The following SGCZ variants were observed in gnomAD, a reference collection of about 807,000 sequenced individuals.
SGCZ encodes zeta-sarcoglycan.
SGCZ carries 40 observed loss-of-function variants against 41.3 expected under a neutral mutation model. The observed-to-expected ratio is 0.97, with a 90% CI of 0.75 to 1.26. SGCZ has a LOEUF of 1.26. SGCZ is among the 50% of genes most tolerant of loss of function. The pLI, the probability that SGCZ is intolerant of heterozygous loss-of-function variation, is 0.00. For synonymous variants in SGCZ, 206 were observed against 137.5 expected, an observed-to-expected ratio of 1.50 and a Z score of -3.49; for missense variants, 552 against 369.8, an observed-to-expected ratio of 1.49 and a Z score of -4.04.
intron 1 of SGCZ, among the ~76,000 whole-genome samples, chr8:14,891,619 T>G (rs1805021637): frequency 6.6e-6 from 1 of 152,168 alleles, no homozygotes; most frequent in Non-Finnish European, 1.5e-5. Context: ...TTCCACAAAC[T>G]TAGCTGATAA....
chr8:14,249,321 A>G (rs1799207230), intron 3 of SGCZ, among the ~76,000 whole-genome samples: 1 of 152,174 alleles, frequency 6.6e-6, no homozygotes, highest in Admixed American at 6.5e-5. Context: ...TTGGTTTAGC[A>G]TGATATCACA....
chr8:14,578,470 A>C (rs1414567430), intron 1 of SGCZ, among the ~76,000 whole-genome samples: 1 of 152,216 alleles, frequency 6.6e-6, no homozygotes, highest in Non-Finnish European at 1.5e-5. Flanking sequence ...TTCTGTGACC[A>C]CATGACTAAA....
At chr8:14,410,121 G>T (rs915933660) in intron 2 of SGCZ, among the ~76,000 whole-genome samples, 3 of 152,200 alleles carry the variant, frequency 2.0e-5, no homozygotes, top group African/African-American at 4.8e-5. Context: ...AACTCATTGT[G>T]AACTGCGCAT....
rs1808008149 is a variant in SGCZ at position 14,668,979 on chromosome 8, CAT to C, written c.40-114055_40-114054del. On this transcript the variant is annotated intron_variant, in intron 1 of 7. Transcript: ENST00000382080. ...GGTGAGAACATGTAAGTTCTACTCTCATAGAAAATTTCAAGTATACAATAAAA... is the reference window on the plus strand; with the variant it reads ...GGTGAGAACATGTAAGTTCTACTCTCAGAAAATTTCAAGTATACAATAAAA... Among the ~76,000 whole-genome samples the C allele has an allele frequency of 5.3e-5, 8 of 151,838 alleles. 1 individual carries two copies. The Middle Eastern group carries it at 0.014, about 258-fold the overall frequency.
At chr8:14,790,446 T>C (rs1385146663) in intron 1 of SGCZ, among the ~76,000 whole-genome samples, 1 of 152,152 alleles carries the variant, frequency 6.6e-6, no homozygotes, top group African/African-American at 2.4e-5. Flanking sequence ...TTTGGCAATA[T>C]GTATCAAACG....
intron 1 of SGCZ, among the ~76,000 whole-genome samples, chr8:14,955,530 C>T (rs1253926821): frequency 6.6e-6 from 1 of 152,178 alleles, no homozygotes; most frequent in East Asian, 1.9e-4. Flanking sequence ...AAACATATGA[C>T]ACTCATGCTG....
At chr8:14,542,851 C>A (rs2117155700) in intron 2 of SGCZ, among the ~76,000 whole-genome samples, 1 of 152,030 alleles carries the variant, frequency 6.6e-6, no homozygotes, top group South Asian at 2.1e-4. Flanking sequence ...GCTAAGGGTG[C>A]TATTTACGTT....
rs531502200 is a variant in SGCZ at position 15,064,327 on chromosome 8, T to A, written c.39+173258A>T. Reference sequence around the variant, plus strand: ...TATCACTATGAATGACATCATCATTTTTTGTCACTCAACCCTACAATTTAT... The same window carrying A: ...TATCACTATGAATGACATCATCATTATTTGTCACTCAACCCTACAATTTAT... On this transcript the variant is annotated intron_variant, in intron 1 of 7. Transcript: ENST00000382080. Among the ~76,000 whole-genome samples the A allele has an allele frequency of 2.8e-4, 42 of 152,246 alleles. 1 individual carries two copies. In the South Asian group the frequency reaches 4.6e-3, roughly 17 times the overall value.
At chr8:14,585,213 G>A (rs887652734) in intron 1 of SGCZ, among the ~76,000 whole-genome samples, 1 of 152,086 alleles carries the variant, frequency 6.6e-6, no homozygotes, top group Non-Finnish European at 1.5e-5. Context: ...TTTTCAAGAA[G>A]CATTCTTCTG....
chr8:14,965,248 G>A (rs7827121), intron 1 of SGCZ, among the ~76,000 whole-genome samples: 23,173 of 151,956 alleles, frequency 0.15, 3,617 homozygotes, highest in African/African-American at 0.4. Flanking sequence ...CTCCTCAATA[G>A]TGCCACCCAA....
intron 1 of SGCZ, among the ~76,000 whole-genome samples, chr8:15,232,624 T>C (rs1324291573): frequency 6.7e-6 from 1 of 150,322 alleles, no homozygotes; most frequent in African/African-American, 2.4e-5. Context: ...TTCAAGATTA[T>C]ATATATATGG....
intron 1 of SGCZ, among the ~76,000 whole-genome samples, chr8:14,745,684 C>T (rs886223757): frequency 1.3e-5 from 2 of 151,884 alleles, no homozygotes; most frequent in African/African-American, 2.4e-5. Flanking sequence ...TATCTATATA[C>T]ATACATGCCA....
intron 1 of SGCZ, among the ~76,000 whole-genome samples, chr8:14,779,246 A>G (rs1670502921): frequency 6.6e-6 from 1 of 152,228 alleles, no homozygotes; most frequent in South Asian, 2.1e-4. Context: ...GAAATTAAAA[A>G]TATCACAACT....
chr8:14,498,432 A>G (rs1802056030), intron 2 of SGCZ, among the ~76,000 whole-genome samples: 1 of 152,110 alleles, frequency 6.6e-6, no homozygotes, highest in Non-Finnish European at 1.5e-5. Context: ...TCATAATGCA[A>G]TATGAGTGGA....
chr8:14,336,481 C>T (rs1802511520), intron 2 of SGCZ, among the ~76,000 whole-genome samples: 1 of 152,234 alleles, frequency 6.6e-6, no homozygotes. Flanking sequence ...GATCTAATGA[C>T]AGTCCTGTTT....
chr8:14,506,297 C>A (rs756552652), intron 2 of SGCZ, among the ~76,000 whole-genome samples: 1 of 152,152 alleles, frequency 6.6e-6, no homozygotes, highest in Non-Finnish European at 1.5e-5. Context: ...TCTATCTTCT[C>A]TCTTGTTAAT....
At chr8:15,173,006 G>A (rs902930201) in intron 1 of SGCZ, among the ~76,000 whole-genome samples, 2 of 152,254 alleles carry the variant, frequency 1.3e-5, no homozygotes, top group African/African-American at 2.4e-5. Flanking sequence ...GGATAACAAT[G>A]TTGTGATAAT....
At chr8:14,942,071 C>T (rs933197250) in intron 1 of SGCZ, among the ~76,000 whole-genome samples, 2 of 151,886 alleles carry the variant, frequency 1.3e-5, no homozygotes, top group Non-Finnish European at 2.9e-5. Flanking sequence ...ATTAGGAACC[C>T]CCAGCAGGAG....
intron 1 of SGCZ, among the ~76,000 whole-genome samples, chr8:14,701,931 C>A (rs1809151002): frequency 6.6e-6 from 1 of 151,782 alleles, no homozygotes; most frequent in African/African-American, 2.4e-5. Flanking sequence ...AACTAATAAA[C>A]CTCCCTTCAT....
Sources: allele counts gnomAD v4.1 joint callset (sites outside exome capture counted in the v4.1 genomes callset), GRCh38; gene constraint gnomAD v4.1.1; transcripts MANE v1.5; gene names NCBI Gene and HGNC (gene_info 2026-07-23, HGNC 2026-07-21).